Variants in FOXK2 observed in about 807,000 individuals in gnomAD.
FOXK2 encodes the protein forkhead box K2.
Under a neutral mutation model 53.3 loss-of-function variants are expected in FOXK2, and 24 were observed. The ratio of observed to expected loss-of-function variants is 0.45; its 90% CI spans 0.33 to 0.63. The LOEUF is 0.63. Ranked by LOEUF, FOXK2 falls within the 30% of genes least tolerant of loss-of-function variation. The pLI is 0.03. For missense variants in FOXK2, 952 were observed against 910.5 expected (o/e 1.05, Z -0.59); for synonymous variants, 505 against 407.1 (o/e 1.24, Z -2.89).
At chr17:82,576,306 A>T (rs1372165079) in intron 4 of FOXK2, among the ~76,000 whole-genome samples, 1 of 152,134 alleles carries the variant, frequency 6.6e-6, no homozygotes, top group Non-Finnish European at 1.5e-5. Context: ...TGCTCGGGGA[A>T]GGACCCCCCA....
chr17:82,534,969 T>C (rs2044506489), intron 1 of FOXK2, among the ~76,000 whole-genome samples: 1 of 152,220 alleles, frequency 6.6e-6, no homozygotes, highest in Non-Finnish European at 1.5e-5. Context: ...AACCTCCACC[T>C]CCCAGGTTTA....
intron 1 of FOXK2, among the ~76,000 whole-genome samples, chr17:82,550,445 A>G (rs2044664590): frequency 6.7e-6 from 1 of 150,160 alleles, no homozygotes; most frequent in East Asian, 2.0e-4. Flanking sequence ...ATGATTAGGG[A>G]TTTCAAGATG....
chr17:82,566,342 G>A (rs2044851041), intron 2 of FOXK2, among the ~76,000 whole-genome samples: 1 of 152,136 alleles, frequency 6.6e-6, no homozygotes, highest in Non-Finnish European at 1.5e-5. Flanking sequence ...TGTGCCTGGT[G>A]CTGTCTGAGA....
intron 1 of FOXK2, among the ~76,000 whole-genome samples, chr17:82,525,196 A>G: frequency 6.6e-6 from 1 of 151,278 alleles, no homozygotes; most frequent in Non-Finnish European, 1.5e-5. Context: ...TTGAGATGGA[A>G]TCTTGCTTTG....
At chr17:82,523,861 A>T (rs942500698) in intron 1 of FOXK2, among the ~76,000 whole-genome samples, 1 of 152,194 alleles carries the variant, frequency 6.6e-6, no homozygotes, top group Admixed American at 6.5e-5. Flanking sequence ...AATTAAATGT[A>T]TAAGCTTGAA....
chr17:82,585,363 C>T (rs1356253275), intron 6 of FOXK2: 1 of 151,546 alleles, frequency 6.6e-6, no homozygotes, highest in Non-Finnish European at 1.5e-5. Flanking sequence ...CTTGCTCTGT[C>T]ACTCATGCTG....
intron 1 of FOXK2, among the ~76,000 whole-genome samples, chr17:82,534,565 T>C (rs1025259797): frequency 1.2e-4 from 18 of 152,196 alleles, no homozygotes; most frequent in Non-Finnish European, 5.9e-5. Context: ...CTGAGAACTT[T>C]AGCAGAGCTC....
chr17:82,584,583 G>C (rs920220203), intron 6 of FOXK2, among the ~76,000 whole-genome samples: 1 of 111,130 alleles, frequency 9.0e-6, no homozygotes. Context: ...TTGAGACAGA[G>C]TCTCACTTTG....
intron 2 of FOXK2, among the ~76,000 whole-genome samples, chr17:82,564,715 C>T (rs1375049241): frequency 1.3e-5 from 2 of 150,748 alleles, no homozygotes; most frequent in Admixed American, 6.6e-5. Flanking sequence ...AATAAACCCT[C>T]ACATAATGTA....
At chr17:82,553,786 C>T (rs754930720) in intron 1 of FOXK2, among the ~76,000 whole-genome samples, 3 of 152,096 alleles carry the variant, frequency 2.0e-5, no homozygotes, top group African/African-American at 7.2e-5. Context: ...ACGTTTGTCC[C>T]GTTGCTGTGA....
intron 3 of FOXK2, among the ~76,000 whole-genome samples, chr17:82,571,077 G>T (rs990359913): frequency 6.6e-6 from 1 of 152,128 alleles, no homozygotes; most frequent in Admixed American, 6.5e-5. Context: ...GGTGCTGCTG[G>T]CTGTGAGCCC....
chr17:82,544,406 A>C (rs1473263935), intron 1 of FOXK2, among the ~76,000 whole-genome samples: 1 of 152,136 alleles, frequency 6.6e-6, no homozygotes, highest in Non-Finnish European at 1.5e-5. Flanking sequence ...TCCTAGGGAA[A>C]TGGCACTGTG....
chr17:82,520,317 C>A lies in FOXK2; in HGVS notation c.419+10C>A. ...TGCAGCTGCCGCGCGTGTGAGTGGC[C>A]TCGGGGCGGGGCGGGCGGGGTCTGC... On this transcript the variant is annotated intron_variant, in intron 1 of 8. Transcript: ENST00000335255. 1.1e-6 allele frequency: 1 copy of A among 928,790 alleles called. No homozygotes were observed. The highest frequency in any genetic ancestry group is 1.4e-6 in the Non-Finnish European group (1 of 696,206). 57.5% of individuals were successfully genotyped at this position (928,790 alleles called of 1,614,324 possible). A position where few individuals can be genotyped will look rare whatever the true frequency, so the allele number is the denominator to read the frequency against.
chr17:82,543,774 CTT>C (rs59720257), intron 1 of FOXK2, among the ~76,000 whole-genome samples: 31,068 of 111,370 alleles, frequency 0.28, 3,102 homozygotes, highest in African/African-American at 0.31. Context: ...GCATGCTTAG[CTT>C]TTTTTTTTTT....
chr17:82,548,786 G>T (rs1260925259), intron 1 of FOXK2, among the ~76,000 whole-genome samples: 2 of 152,178 alleles, frequency 1.3e-5, no homozygotes, highest in Non-Finnish European at 2.9e-5. Flanking sequence ...GGGAGGCATG[G>T]GTGTTTGGCA....
chr17:82,573,556 TCTCTCTCACACACACACACACACA>T (rs1431185091), intron 4 of FOXK2, among the ~76,000 whole-genome samples: 4 of 116,454 alleles, frequency 3.4e-5, no homozygotes, highest in Middle Eastern at 4.3e-3. Context: ...TCTCTCTCTC[TCTCTCTCACACACACACACACACA>T]CACACACACA....
intron 1 of FOXK2, among the ~76,000 whole-genome samples, chr17:82,547,931 C>T (rs1221281087): frequency 6.6e-6 from 1 of 152,190 alleles, no homozygotes; most frequent in Non-Finnish European, 1.5e-5. Flanking sequence ...TGAGGTTCAT[C>T]AGTGTTACTT....
chr17:82,571,509 G>A (rs759202508), intron 3 of FOXK2, among the ~76,000 whole-genome samples: 2 of 152,134 alleles, frequency 1.3e-5, no homozygotes, highest in Non-Finnish European at 2.9e-5. Context: ...GCTGAGGCAG[G>A]AGAACCGCTT....
At chr17:82,556,496 C>T (rs1471245376) in intron 1 of FOXK2, among the ~76,000 whole-genome samples, 1 of 151,342 alleles carries the variant, frequency 6.6e-6, no homozygotes, top group African/African-American at 2.4e-5. Context: ...AAATGTATTC[C>T]ATGGCTCATC....
Sources: allele counts gnomAD v4.1 joint callset (sites outside exome capture counted in the v4.1 genomes callset), GRCh38; gene constraint gnomAD v4.1.1; transcripts MANE v1.5; gene names NCBI Gene and HGNC (gene_info 2026-07-23, HGNC 2026-07-21).